Variants in NRG1 observed in about 807,000 individuals in gnomAD.
NRG1 encodes the protein pro-neuregulin-1, membrane-bound isoform.
NRG1 carries 18 observed loss-of-function variants against 63.8 expected under a neutral mutation model. That is an observed-to-expected ratio of 0.28 (90% CI 0.19 to 0.42). The LOEUF (loss-of-function observed/expected upper bound fraction) is 0.42, where lower values mean the gene tolerates loss of function less well. NRG1 is among the 10% of genes least tolerant of loss of function. The pLI is 1.00. For missense variants in NRG1, 762 were observed against 814.7 expected (o/e 0.94, Z 0.79); for synonymous variants, 302 against 301.3 (o/e 1.00, Z -0.02).
chr8:32,120,454 G>A (rs1272824435), intron 1 of NRG1, among the ~76,000 whole-genome samples: 1 of 151,956 alleles, frequency 6.6e-6, no homozygotes, highest in Non-Finnish European at 1.5e-5. Context: ...TAAATAAAGT[G>A]CTAAAAGTCT....
At chr8:32,496,544 T>C (rs1257634650) in intron 1 of NRG1, among the ~76,000 whole-genome samples, 2 of 152,114 alleles carry the variant, frequency 1.3e-5, no homozygotes, top group Non-Finnish European at 2.9e-5. Context: ...GAGCTATGAT[T>C]GAGCCACTGC....
chr8:32,014,953 T>C (rs35848976), intron 1 of NRG1, among the ~76,000 whole-genome samples: 85,037 of 151,888 alleles, frequency 0.56, 27,710 homozygotes, highest in South Asian at 0.74. Context: ...CACCAAAGAT[T>C]GCCAGCAAAT....
intron 1 of NRG1, among the ~76,000 whole-genome samples, chr8:32,147,853 C>G (rs1158318656): frequency 6.6e-6 from 1 of 152,124 alleles, no homozygotes; most frequent in Non-Finnish European, 1.5e-5. Context: ...TAGAATTCAG[C>G]ATTATCTTTA....
chr8:32,107,023 C>T (rs2131408006), intron 1 of NRG1, among the ~76,000 whole-genome samples: 1 of 152,154 alleles, frequency 6.6e-6, no homozygotes, highest in South Asian at 2.1e-4. Context: ...TCAAGACCAG[C>T]CTGACCAACA....
chr8:31,929,149 A>C (rs1379100653), intron 1 of NRG1, among the ~76,000 whole-genome samples: 2 of 152,250 alleles, frequency 1.3e-5, no homozygotes, highest in Non-Finnish European at 2.9e-5. Flanking sequence ...ACAGGTTCCC[A>C]ACCAGAAGTT....
chr8:32,692,779 C>A (rs536833802), intron 5 of NRG1, among the ~76,000 whole-genome samples: 1 of 152,250 alleles, frequency 6.6e-6, no homozygotes, highest in East Asian at 1.9e-4. Flanking sequence ...CTGCCGAGTG[C>A]ATGGGATACT....
At chr8:32,054,183 G>A (rs1457937994) in intron 1 of NRG1, among the ~76,000 whole-genome samples, 1 of 152,110 alleles carries the variant, frequency 6.6e-6, no homozygotes, top group Non-Finnish European at 1.5e-5. Flanking sequence ...TCCCAATACA[G>A]ACATGGAAAT....
intron 1 of NRG1, among the ~76,000 whole-genome samples, chr8:31,936,091 C>A (rs1186894650): frequency 1.3e-5 from 2 of 152,116 alleles, no homozygotes; most frequent in African/African-American, 4.8e-5. Flanking sequence ...GGTCCAGAAA[C>A]AATACAGGAG....
At chr8:32,313,061 G>A (rs1857003337) in intron 1 of NRG1, among the ~76,000 whole-genome samples, 1 of 152,160 alleles carries the variant, frequency 6.6e-6, no homozygotes, top group Non-Finnish European at 1.5e-5. Flanking sequence ...GCTGAGGCAG[G>A]AGAATTGCTT....
intron 1 of NRG1, among the ~76,000 whole-genome samples, chr8:32,537,563 A>C (rs34675063): frequency 0.15 from 23,416 of 152,124 alleles, 2,160 homozygotes; most frequent in Non-Finnish European, 0.19. Flanking sequence ...GGATTCAGAG[A>C]TGTCTGGGGA....
intron 1 of NRG1, among the ~76,000 whole-genome samples, chr8:32,289,430 C>T (rs931569766): frequency 4.0e-5 from 6 of 148,732 alleles, no homozygotes; most frequent in Admixed American, 1.3e-4. Flanking sequence ...GCAGTGTTAA[C>T]GTATTAAAAA....
chr8:32,117,612 A>G (rs1832907065), intron 1 of NRG1, among the ~76,000 whole-genome samples: 1 of 152,134 alleles, frequency 6.6e-6, no homozygotes, highest in Non-Finnish European at 1.5e-5. Flanking sequence ...ATTAACTCAG[A>G]AAGTTATAGC....
chr8:32,598,402 CT>C (rs1843735051), intron 2 of NRG1, among the ~76,000 whole-genome samples: 1 of 151,922 alleles, frequency 6.6e-6, no homozygotes, highest in Non-Finnish European at 1.5e-5. Context: ...AATGAATAGG[CT>C]TTAGAAAAGG....
intron 1 of NRG1, among the ~76,000 whole-genome samples, chr8:32,165,854 A>C (rs1839342128): frequency 6.6e-6 from 1 of 152,190 alleles, no homozygotes. Flanking sequence ...AAAGATACCA[A>C]GAAAATCAAG....
At chr8:32,712,306 T>G (rs989358572) in intron 5 of NRG1, among the ~76,000 whole-genome samples, 2 of 152,204 alleles carry the variant, frequency 1.3e-5, no homozygotes, top group Non-Finnish European at 2.9e-5. Flanking sequence ...TTGGATGCTG[T>G]GTTTTATGGA....
chr8:32,435,003 T>C (rs1249424698), intron 1 of NRG1, among the ~76,000 whole-genome samples: 1 of 152,106 alleles, frequency 6.6e-6, no homozygotes, highest in African/African-American at 2.4e-5. Context: ...CAACATCCCA[T>C]GGATACCTGA....
chr8:31,775,173 G>A (rs1818999511), intron 1 of NRG1, among the ~76,000 whole-genome samples: 1 of 152,220 alleles, frequency 6.6e-6, no homozygotes, highest in South Asian at 2.1e-4. Flanking sequence ...ATTCACAATA[G>A]CAAAGTCATG....
intron 5 of NRG1, among the ~76,000 whole-genome samples, chr8:32,710,600 A>C (rs1817568936): frequency 6.6e-6 from 1 of 152,194 alleles, no homozygotes; most frequent in Non-Finnish European, 1.5e-5. Context: ...TACAGTCATT[A>C]CTAAATGAAA....
At chr8:31,976,665 GTGTGTGTGTGTGTGTGTGT>G (rs1246925313) in intron 1 of NRG1, among the ~76,000 whole-genome samples, 2 of 4,948 alleles carry the variant, frequency 4.0e-4, no homozygotes, top group African/African-American at 7.2e-3. Flanking sequence ...TGCCATGGGT[GTGTGTGTGTGTGTGTGTGT>G]GTGTGTGTGT....
Sources: allele counts gnomAD v4.1 joint callset (sites outside exome capture counted in the v4.1 genomes callset), GRCh38; gene constraint gnomAD v4.1.1; transcripts MANE v1.5; gene names NCBI Gene and HGNC (gene_info 2026-07-23, HGNC 2026-07-21).